The following KIF13A variants were observed in gnomAD, a reference collection of about 807,000 sequenced individuals.
The protein encoded by KIF13A is kinesin family member 13A.
KIF13A carries 79 observed loss-of-function variants against 212.2 expected under a neutral mutation model. The observed-to-expected ratio is 0.37, with a 90% confidence interval of 0.31 to 0.45. The LOEUF is 0.45. Ranked by LOEUF, KIF13A falls within the 20% of genes least tolerant of loss-of-function variation. The pLI, the probability that KIF13A is intolerant of heterozygous loss-of-function variation, is 1.00. For synonymous variants in KIF13A, 789 were observed against 808.6 expected (o/e 0.98, Z 0.41); for missense variants, 1,901 against 2,209.0 (o/e 0.86, Z 2.79).
Position 17,772,866 on chromosome 6 carries a change from T to C in KIF13A, c.4324+612A>G, listed in dbSNP as rs551471274. ...CTAAGGGAGGACAATTCTTCTTCCT[T>C]GCTTGTATCATTTCTTACCTTTTTG... On this transcript the variant is annotated intron_variant, in intron 36 of 38. Transcript: ENST00000259711. This position sits in a 1 kb window ranked among gnomAD's most constrained non-coding sequence, Gnocchi z 4.8. Among the ~76,000 whole-genome samples the C allele has an allele frequency of 2.6e-5, 4 of 152,326 alleles. No homozygotes were observed. The highest frequency in any genetic ancestry group is 4.1e-4 in the South Asian group (2 of 4,830).
In KIF13A at chr6:17,838,285, T is replaced by A. The variant is rs111674101; in HGVS notation, c.831-702A>T. Among the ~76,000 whole-genome samples the A allele has an allele frequency of 0.094, 14,008 of 149,138 alleles. 813 individuals carry two copies. The highest frequency in any genetic ancestry group is 0.15 in the African/African-American group (5,936 of 40,558). On this transcript the variant is annotated intron_variant, in intron 9 of 38. Coordinates refer to ENST00000259711, the MANE Select transcript of KIF13A (RefSeq NM_022113.6). This position sits in a 1 kb window ranked among gnomAD's most constrained non-coding sequence, Gnocchi z 4.2. Reference sequence around the variant, plus strand: ...GCAGTGAGCCAAGATCGCGCCACTGTACTCCAGCCTGGGCGACAGAGCAAG... The same window carrying A: ...GCAGTGAGCCAAGATCGCGCCACTGAACTCCAGCCTGGGCGACAGAGCAAG...
rs1347772572 is a variant in KIF13A, at chr6:17,915,418, C to G, written c.147-17238G>C. ...AAAGCTTTTAAAAGCAGCAGAGTAACACACGCGATGCAAGGCCCCTCATTT... is the reference window on the plus strand; with the variant it reads ...AAAGCTTTTAAAAGCAGCAGAGTAAGACACGCGATGCAAGGCCCCTCATTT... On this transcript the variant is annotated intron_variant, in intron 2 of 38. Coordinates refer to ENST00000259711, the MANE Select transcript of KIF13A (RefSeq NM_022113.6). The surrounding 1 kb of genome is among the most constrained non-coding windows in gnomAD (Gnocchi z 4.4). 6.6e-6 allele frequency among the ~76,000 whole-genome samples: 1 copy of G among 152,186 alleles called. No individual in the cohort carries two copies.
chr6:17,949,934 A>C (rs1289983528), intron 2 of KIF13A, among the ~76,000 whole-genome samples: 1 of 152,102 alleles, frequency 6.6e-6, no homozygotes, highest in East Asian at 1.9e-4. Flanking sequence ...ACACTGATTA[A>C]CTAACATATT....
In KIF13A at chr6:17,821,936, C is replaced by CGTCCAG. The variant is rs1581420054; in HGVS notation, c.1786+3826_1786+3831dup. 5.2e-6 allele frequency: 8 copies of CGTCCAG among 1,534,366 alleles called. No individual in the cohort carries two copies. In the African/African-American group the frequency reaches 6.8e-5, roughly 13 times the overall value. ...AGTAGAGGGGAATCACAGTGAACAC[C>CGTCCAG]GTCCAGCCACCGGCACATCAGCACT... On this transcript the variant is annotated intron_variant, in intron 16 of 38. Transcript: ENST00000259711.
intron 2 of KIF13A, among the ~76,000 whole-genome samples, chr6:17,911,697 T>TTA (rs1554114381): frequency 7.4e-5 from 10 of 135,176 alleles, no homozygotes; most frequent in East Asian, 4.2e-4. Flanking sequence ...GTTAATGGGT[T>TTA]AAAAAAAAAA....
intron 2 of KIF13A, among the ~76,000 whole-genome samples, chr6:17,935,897 A>T (rs1446553014): frequency 6.6e-6 from 1 of 152,160 alleles, no homozygotes; most frequent in African/African-American, 2.4e-5. Context: ...CTTTGAAGAG[A>T]TCTTAAAGCC....
intron 9 of KIF13A, among the ~76,000 whole-genome samples, chr6:17,844,870 T>C (rs1056252111): frequency 2.0e-5 from 3 of 152,184 alleles, no homozygotes; most frequent in Admixed American, 1.3e-4. Context: ...TACAAATTCA[T>C]GTTTTGTTAT....
Position 17,802,923 on chromosome 6 carries a change from G to GTTTTT in KIF13A, c.2454+1433_2454+1437dup, listed in dbSNP as rs57190220. On this transcript the variant is annotated intron_variant, in intron 20 of 38. Coordinates refer to ENST00000259711, the MANE Select transcript of KIF13A (RefSeq NM_022113.6). ...CACCATGCCTGGTTAATTTTTTTGT[G>GTTTTT]TTTTTTTTGTTTTTTTTTGTTTTGT... Among the ~76,000 whole-genome samples, 5 of 135,714 alleles carry GTTTTT rather than the reference G, an allele frequency of 3.7e-5. 1 individual carries two copies. The highest frequency in any genetic ancestry group is 1.3e-4 in the African/African-American group (5 of 38,254). The allele number at this position is 135,714 out of a possible 152,430, so 89.0% of individuals were successfully genotyped here.
At chr6:17,936,888 G>A (rs1401291392) in intron 2 of KIF13A, among the ~76,000 whole-genome samples, 1 of 152,152 alleles carries the variant, frequency 6.6e-6, no homozygotes, top group East Asian at 1.9e-4. Flanking sequence ...TAGGGCAAAG[G>A]AAAAGGAGAT....
Position 17,972,829 on chromosome 6 carries a change from GTGAGA to G in KIF13A, c.146+14220_146+14224del, listed in dbSNP as rs1271777458. Among the ~76,000 whole-genome samples, 10 of 78,542 alleles carry G rather than the reference GTGAGA, an allele frequency of 1.3e-4. No homozygotes were observed. In the South Asian group the frequency reaches 3.0e-3, roughly 24 times the overall value. The allele number at this position is 78,542 out of a possible 152,430, so 51.5% of individuals were successfully genotyped here. A position where few individuals can be genotyped will look rare whatever the true frequency, so the allele number is the denominator to read the frequency against. On this transcript the variant is annotated intron_variant, in intron 2 of 38. Coordinates refer to ENST00000259711, the MANE Select transcript of KIF13A (RefSeq NM_022113.6). The stretch of plus-strand genomic sequence containing the variant: ...TCCTGTTCCTTGTCTTTGAGAGAGA[GTGAGA>G]AAAAAAAAAAAAAAAAAAAACAAGG...
At position 17,888,423 on chromosome 6, in the gene KIF13A, T is replaced by C. The variant is rs995433097; in HGVS notation, c.159+9745A>G. On this transcript the variant is annotated intron_variant, in intron 3 of 38. Transcript: ENST00000259711. This position sits in a 1 kb window ranked among gnomAD's most constrained non-coding sequence, Gnocchi z 4.8. ...AAACAAGCAAAAGCCTTAGGAAGTA[T>C]ACTGGTGTTCAGTACTAAGCCATGG... Among the ~76,000 whole-genome samples the C allele has an allele frequency of 5.3e-5, 8 of 152,186 alleles. No individual in the cohort carries two copies. The highest frequency in any genetic ancestry group is 8.8e-5 in the Non-Finnish European group (6 of 68,028).
At position 17,987,301 on chromosome 6, in the gene KIF13A, C is replaced by T. The variant is rs1385942438; in HGVS notation, c.55+108G>A. ...GGCCAGCGCGGACGCCGCCTCCGCC[C>T]CGGCCCCCCGGCCCCGGCCGCGCTC... On this transcript the variant is annotated intron_variant, in intron 1 of 38. Coordinates refer to ENST00000259711, the MANE Select transcript of KIF13A (RefSeq NM_022113.6). This position sits in a 1 kb window ranked among gnomAD's most constrained non-coding sequence, Gnocchi z 7.7. The T allele has an allele frequency of 5.6e-6, 5 of 900,472 alleles. No homozygotes were observed. Among genetic ancestry groups the T allele is most frequent in the Non-Finnish European group, 7.2e-6 (5 of 696,952 alleles). 55.8% of individuals were successfully genotyped at this position (900,472 alleles called of 1,614,324 possible).
intron 3 of KIF13A, among the ~76,000 whole-genome samples, chr6:17,879,421 T>C (rs1770861395): frequency 6.6e-6 from 1 of 152,188 alleles, no homozygotes; most frequent in Non-Finnish European, 1.5e-5. Context: ...CTATTATGAG[T>C]AAGCAGAGGT....
intron 3 of KIF13A, among the ~76,000 whole-genome samples, chr6:17,882,647 T>C (rs573484884): frequency 5.9e-5 from 9 of 151,940 alleles, no homozygotes; most frequent in Non-Finnish European, 1.2e-4. Flanking sequence ...GCACAACCTC[T>C]GCCTCCCAGG....
chr6:17,861,430 C>A (rs6912018), intron 4 of KIF13A, among the ~76,000 whole-genome samples: 28,427 of 152,128 alleles, frequency 0.19, 2,915 homozygotes, highest in South Asian at 0.3. Context: ...CAGTTCCCTA[C>A]TATGGATATT....
Position 17,774,134 on chromosome 6 carries a change from A to C in KIF13A, c.4219-551T>G, listed in dbSNP as rs182215439. 1.8e-3 allele frequency among the ~76,000 whole-genome samples: 273 copies of C among 152,326 alleles called. 1 individual carries two copies. Among genetic ancestry groups the C allele is most frequent in the Non-Finnish European group, 2.7e-3 (184 of 68,038 alleles). On this transcript the variant is annotated intron_variant, in intron 35 of 38. Transcript: ENST00000259711. ...ATATCATACGAGCTTACTTAATCTT[A>C]TGTCAACTTATCAGGAGTTGATTGC... is the stretch of plus-strand genomic sequence containing the variant.
chr6:17,796,530 G>T, intron 23 of KIF13A, 139 bp downstream of exon 23: 1 of 526,148 alleles, frequency 1.9e-6, no homozygotes, highest in Non-Finnish European at 2.9e-6. Context: ...ATGAGCCACC[G>T]CACCTGGCCA....
chr6:17,795,535 C>T (rs2150325441), intron 23 of KIF13A, among the ~76,000 whole-genome samples: 1 of 149,288 alleles, frequency 6.7e-6, no homozygotes, highest in African/African-American at 2.5e-5. Context: ...GTGGAGGTTG[C>T]AGTGAGCTAA....
chr6:17,832,473 C>A (rs1012931047), intron 12 of KIF13A, among the ~76,000 whole-genome samples: 1 of 151,546 alleles, frequency 6.6e-6, no homozygotes, highest in Admixed American at 6.6e-5. Context: ...CCTGACTCTA[C>A]CAAAAGATAC....
Sources: gnomAD v4.1 joint callset for allele counts (sites outside exome capture counted in the v4.1 genomes callset) on GRCh38, gnomAD v4.1.1 for gene constraint, Gnocchi (gnomAD v3.1) non-coding constraint, MANE v1.5 for transcripts, NCBI Gene and HGNC (gene_info 2026-07-23, HGNC 2026-07-21) for gene names.